Variants in KCNT2 observed in about 807,000 individuals in gnomAD.
KCNT2 encodes potassium channel subfamily T member 2.
Under a neutral mutation model 153.8 loss-of-function variants are expected in KCNT2, and 67 were observed. The observed-to-expected ratio is 0.44, with a 90% CI of 0.36 to 0.53. The LOEUF (loss-of-function observed/expected upper bound fraction) is 0.53. Ranked by LOEUF, KCNT2 falls within the 20% of genes least tolerant of loss-of-function variation. The pLI is 0.00. For synonymous variants in KCNT2, 500 were observed against 458.8 expected, an observed-to-expected ratio of 1.09 and a Z score of -1.15; for missense variants, 975 against 1,354.8, an observed-to-expected ratio of 0.72 and a Z score of 4.40.
intron 1 of KCNT2, chr1:196,582,287 TA>T (rs756054622): frequency 6.6e-6 from 1 of 152,090 alleles, no homozygotes; most frequent in Non-Finnish European, 1.5e-5. Flanking sequence ...ATGGGGATAA[TA>T]TTATGCTTTC....
chr1:196,400,019 A>G (rs181655089), intron 12 of KCNT2, among the ~76,000 whole-genome samples: 3 of 151,942 alleles, frequency 2.0e-5, no homozygotes, highest in African/African-American at 7.2e-5. Context: ...ATAGCAACTC[A>G]AAACAAGATA....
At chr1:196,399,288 A>G (rs1213129234) in intron 12 of KCNT2, among the ~76,000 whole-genome samples, 1 of 151,762 alleles carries the variant, frequency 6.6e-6, no homozygotes, top group South Asian at 2.1e-4. Context: ...AATTGAAAAA[A>G]TCAAGGAAGA....
intron 25 of KCNT2, among the ~76,000 whole-genome samples, chr1:196,272,983 A>T (rs565167924): frequency 3.3e-5 from 5 of 152,000 alleles, no homozygotes; most frequent in Admixed American, 2.6e-4. Flanking sequence ...CTATAATATT[A>T]TTAAGAATAT....
At position 196,574,663 on chromosome 1, in the gene KCNT2, T is replaced by A. The variant is rs191371648; in HGVS notation, c.95+33552A>T. On this transcript the variant is annotated intron_variant, in intron 1 of 27. Transcript: ENST00000294725. ...TAATAACACAACTTGTTTACAGAGA[T>A]CAAAAATATTTTATGATTTAAAGAG... Among the ~76,000 whole-genome samples, 64 of 152,070 alleles carry A rather than the reference T, an allele frequency of 4.2e-4. 1 individual carries two copies. In the East Asian group the frequency reaches 0.012, roughly 28 times the overall value.
chr1:196,280,721 C>T, intron 25 of KCNT2, 139 bp downstream of exon 25: 1 of 794,220 alleles, frequency 1.3e-6, no homozygotes, highest in Non-Finnish European at 2.0e-6. Context: ...AAATTTGGTT[C>T]TGAGATTTAA....
At position 196,318,351 on chromosome 1, in the gene KCNT2, C is replaced by A. The variant is rs188298201; in HGVS notation, c.2348+1133G>T. Among the ~76,000 whole-genome samples, 9 of 151,832 alleles carry A rather than the reference C, an allele frequency of 5.9e-5. No homozygotes were observed. The East Asian group carries it at 1.8e-3, about 30-fold the overall frequency. ...TTAGATGAACATAACTGTCCCCAGA[C>A]CAACAATTATCAATTCGTAGCCAAT... On this transcript the variant is annotated intron_variant, in intron 20 of 27. Transcript: ENST00000294725.
intron 22 of KCNT2, among the ~76,000 whole-genome samples, chr1:196,288,123 T>TAA (rs923043641): frequency 7.1e-6 from 1 of 141,438 alleles, no homozygotes; most frequent in African/African-American, 2.9e-5. Flanking sequence ...CTAGTGGAAG[T>TAA]AAAAAAAAAT....
chr1:196,536,430 C>T (rs1020913603), intron 1 of KCNT2, among the ~76,000 whole-genome samples: 1 of 152,230 alleles, frequency 6.6e-6, no homozygotes, highest in African/African-American at 2.4e-5. Flanking sequence ...CCATTGAGCA[C>T]ACTGTCCACT....
chr1:196,341,114 T>C (rs916205860), intron 15 of KCNT2, among the ~76,000 whole-genome samples: 3 of 151,976 alleles, frequency 2.0e-5, no homozygotes, highest in Non-Finnish European at 2.9e-5. Flanking sequence ...TGACTTATAA[T>C]AGAGTTATGT....
rs1657295501 is a variant in KCNT2 at position 196,264,161 on chromosome 1, T to G, written c.2911-5667A>C. 9.2e-5 allele frequency among the ~76,000 whole-genome samples: 14 copies of G among 152,218 alleles called. 1 individual carries two copies. In the South Asian group the frequency reaches 2.9e-3, roughly 32 times the overall value. On this transcript the variant is annotated intron_variant, in intron 25 of 27. Transcript: ENST00000294725. ...CTATTGCTTTAAGCACAGAAAAATC[T>G]TATGTTTTTGTTCCTGTTTTATAAC...
chr1:196,364,325 C>G (rs912778867), intron 14 of KCNT2, among the ~76,000 whole-genome samples: 1 of 152,004 alleles, frequency 6.6e-6, no homozygotes, highest in Non-Finnish European at 1.5e-5. Context: ...CTAATATTTC[C>G]AAACTTCCTT....
chr1:196,571,568 C>T (rs1558091561), intron 1 of KCNT2, among the ~76,000 whole-genome samples: 1 of 152,060 alleles, frequency 6.6e-6, no homozygotes, highest in Non-Finnish European at 1.5e-5. Flanking sequence ...TGGTCATTAA[C>T]CATATTGATT....
At chr1:196,528,636 C>T (rs1198300461) in intron 1 of KCNT2, among the ~76,000 whole-genome samples, 3 of 151,968 alleles carry the variant, frequency 2.0e-5, no homozygotes, top group South Asian at 2.1e-4. Context: ...AAGTGTTGAT[C>T]GTAAAAAAAC....
intron 1 of KCNT2, among the ~76,000 whole-genome samples, chr1:196,529,392 T>A (rs1654652636): frequency 6.6e-6 from 1 of 152,152 alleles, no homozygotes; most frequent in Non-Finnish European, 1.5e-5. Flanking sequence ...TACCCTACAG[T>A]ACCTTTTTCT....
chr1:196,459,434 A>G (rs974281281), intron 8 of KCNT2, among the ~76,000 whole-genome samples: 3 of 151,858 alleles, frequency 2.0e-5, no homozygotes, highest in African/African-American at 7.2e-5. Flanking sequence ...ATAGAAAAAA[A>G]AAGTTAAACA....
chr1:196,288,761 T>C (rs1187412149), intron 22 of KCNT2, among the ~76,000 whole-genome samples: 2 of 152,010 alleles, frequency 1.3e-5, no homozygotes, highest in Admixed American at 1.3e-4. Context: ...TTCTGTAAAA[T>C]AGAAAGTGTG....
At chr1:196,279,178 G>C (rs1239597928) in intron 25 of KCNT2, among the ~76,000 whole-genome samples, 1 of 152,190 alleles carries the variant, frequency 6.6e-6, no homozygotes, top group African/African-American at 2.4e-5. Context: ...ACTTGGGTAT[G>C]AAAGCACTTG....
intron 8 of KCNT2, among the ~76,000 whole-genome samples, chr1:196,457,155 A>C (rs1367182200): frequency 6.6e-6 from 1 of 151,880 alleles, no homozygotes; most frequent in African/African-American, 2.4e-5. Flanking sequence ...TAAAAGGAGT[A>C]GACAATTTAG....
chr1:196,302,906 C>T (rs1408032310), intron 22 of KCNT2, among the ~76,000 whole-genome samples: 1 of 151,998 alleles, frequency 6.6e-6, no homozygotes, highest in Non-Finnish European at 1.5e-5. Context: ...TTTAATCCCA[C>T]TTCCTCCAGC....
Sources: allele counts gnomAD v4.1 joint callset (sites outside exome capture counted in the v4.1 genomes callset), GRCh38; gene constraint gnomAD v4.1.1; transcripts MANE v1.5; gene names NCBI Gene and HGNC (gene_info 2026-07-23, HGNC 2026-07-21).